UBE3B: variants seen among roughly 807,000 people sequenced by gnomAD.
UBE3B encodes ubiquitin protein ligase E3B.
A neutral mutation model predicts 132.3 loss-of-function variants in UBE3B; 80 were observed. The observed-to-expected ratio is 0.60, with a 90% confidence interval of 0.50 to 0.73. The LOEUF is 0.73. Among genes scored for constraint, UBE3B ranks in the 30% least tolerant of loss-of-function variants. The pLI is 0.00. For missense variants in UBE3B, 1,196 were observed against 1,362.5 expected, an observed-to-expected ratio of 0.88 and a Z score of 1.92; for synonymous variants, 487 against 520.4, an observed-to-expected ratio of 0.94 and a Z score of 0.87.
At chr12:109,481,232 G>A (rs958108692) in intron 1 of UBE3B, among the ~76,000 whole-genome samples, 1 of 151,320 alleles carries the variant, frequency 6.6e-6, no homozygotes, top group Non-Finnish European at 1.5e-5. Context: ...CAGGAGAATC[G>A]CTTGAACCTG....
At chr12:109,501,918 C>T (rs559522182) in intron 13 of UBE3B, among the ~76,000 whole-genome samples, 2 of 152,184 alleles carry the variant, frequency 1.3e-5, no homozygotes, top group South Asian at 2.1e-4. Context: ...CCTACCTCAG[C>T]CTCCCAAAGT....
At position 109,524,518 on chromosome 12, in the gene UBE3B, T is replaced by C. The variant is rs1442572041; in HGVS notation, c.2568+15T>C. 1 of 1,613,452 alleles carries C rather than the reference T, an allele frequency of 6.2e-7. No individual in the cohort carries two copies. The highest frequency in any genetic ancestry group is 8.5e-7 in the Non-Finnish European group (1 of 1,179,584). ...TCATGGGTCAGGTAGGTCCGCCCTTTGGCTGAGCTCCCTTTCCACTGCCCC... is the reference window on the plus strand; with the variant it reads ...TCATGGGTCAGGTAGGTCCGCCCTTCGGCTGAGCTCCCTTTCCACTGCCCC... On this transcript the variant is annotated intron_variant, in intron 23 of 27. Coordinates refer to ENST00000342494, the MANE Select transcript of UBE3B (RefSeq NM_130466.4).
At chr12:109,481,356 C>G (rs1875396311) in intron 1 of UBE3B, among the ~76,000 whole-genome samples, 1 of 151,832 alleles carries the variant, frequency 6.6e-6, no homozygotes, top group Non-Finnish European at 1.5e-5. Context: ...TTTTCAGTAG[C>G]TCTTTAACAT....
At chr12:109,509,767 C>A in intron 16 of UBE3B, 53 bp downstream of exon 16, 1 of 1,194,614 alleles carries the variant, frequency 8.4e-7, no homozygotes. Context: ...CCAGGGAGGC[C>A]GAAGAGTCTA....
At chr12:109,520,743 A>ATT (rs35964882) in intron 19 of UBE3B, 3 of 148,596 alleles carry the variant, frequency 2.0e-5, no homozygotes, top group Non-Finnish European at 2.9e-5. Context: ...TGTAGGTTTG[A>ATT]TTTTTTTTTT....
At chr12:109,514,087 A>G (rs1020752237) in intron 18 of UBE3B, among the ~76,000 whole-genome samples, 4 of 152,170 alleles carry the variant, frequency 2.6e-5, no homozygotes, top group Non-Finnish European at 4.4e-5. Flanking sequence ...TTAAAGCCTC[A>G]GCTCTGCCTG....
rs200514073 is a variant in UBE3B, at chr12:109,499,680, G to A, written c.988G>A (p.Glu330Lys). The A allele has an allele frequency of 9.3e-6, 15 of 1,612,880 alleles. No individual in the cohort carries two copies. The Admixed American group carries it at 2.3e-4, about 25-fold the overall frequency. The change falls in exon 12 of 28, where the codon GAG becomes AAG. Residue 330 changes from glutamate to lysine, a missense_variant. Coordinates refer to ENST00000342494, the MANE Select transcript of UBE3B (RefSeq NM_130466.4). ...CCTCAGCCCCAGAGTGTTAGAGGAG[G>A]AGACAGATGGGTTCGTGAGTTTGCT... is the stretch of plus-strand genomic sequence containing the variant. The part of the protein sequence containing the change: ...GSLSPRVLEE[E>K]TDGFVSLLTQ...
In UBE3B at chr12:109,510,578, G is replaced by C. The variant is rs529330722; in HGVS notation, c.1856+120G>C. On this transcript the variant is annotated intron_variant, in intron 17 of 27. Coordinates refer to ENST00000342494, the MANE Select transcript of UBE3B (RefSeq NM_130466.4). ...TTTTTCCCTCTGCTTCATTTTGTCT[G>C]TTCATTTGTGTAAAGAGAGCTGCTG... is the stretch of plus-strand genomic sequence containing the variant. 1.7e-4 allele frequency: 135 copies of C among 775,944 alleles called. No individual in the cohort carries two copies. In the South Asian group the frequency reaches 1.8e-3, roughly 10 times the overall value. The allele number at this position is 775,944 out of a possible 1,614,324, so 48.1% of individuals were successfully genotyped here.
chr12:109,484,247 T>C (rs187523553), intron 4 of UBE3B, among the ~76,000 whole-genome samples: 79 of 152,246 alleles, frequency 5.2e-4, no homozygotes, highest in Middle Eastern at 3.4e-3. Context: ...AAAAAACATA[T>C]ATGAGATAAA....
At chr12:109,527,082 C>T (rs1457187858) in intron 24 of UBE3B, among the ~76,000 whole-genome samples, 2 of 151,998 alleles carry the variant, frequency 1.3e-5, no homozygotes. Flanking sequence ...AGGGGCAGAT[C>T]ATTTTGGATG....
Position 109,521,253 on chromosome 12 carries a change from G to A in UBE3B, c.2182G>A (p.Asp728Asn). The A allele has an allele frequency of 6.2e-7, 1 of 1,614,218 alleles. No homozygotes were observed. The highest frequency in any genetic ancestry group is 8.5e-7 in the Non-Finnish European group (1 of 1,180,044). The change falls in exon 20 of 28, where the codon GAC becomes AAC. Residue 728 changes from aspartate to asparagine, a missense_variant. Transcript: ENST00000342494. This position sits in a 1 kb window ranked among gnomAD's most constrained non-coding sequence, Gnocchi z 4.2. Reference sequence around the variant, plus strand: ...GGTGGACGAAGCAGGGATTGATCAAGACGGTGTTTTTAAGGAGTTCTTGGA... The same window carrying A: ...GGTGGACGAAGCAGGGATTGATCAAAACGGTGTTTTTAAGGAGTTCTTGGA... ...LGVDEAGIDQ[D>N]GVFKEFLEEI... is the part of the protein sequence containing the mutation.
chr12:109,490,101 C>A, intron 8 of UBE3B, 97 bp downstream of exon 8: 3 of 1,223,994 alleles, frequency 2.5e-6, no homozygotes, highest in South Asian at 1.2e-5. Context: ...GTGTCCTCCT[C>A]AGAAACACTT....
At chr12:109,540,011 G>A (rs1232591796), downstream of UBE3B, among the ~76,000 whole-genome samples, 1 of 151,970 alleles carries the variant, frequency 6.6e-6, no homozygotes, top group Non-Finnish European at 1.5e-5. Context: ...GAGAGAGCCA[G>A]CCTGCTGGAG....
At chr12:109,485,529 CA>C (rs1471074817) in intron 4 of UBE3B, among the ~76,000 whole-genome samples, 1 of 152,154 alleles carries the variant, frequency 6.6e-6, no homozygotes, top group African/African-American at 2.4e-5. Flanking sequence ...TTGGTATAGC[CA>C]AAATGGAACC....
intron 18 of UBE3B, among the ~76,000 whole-genome samples, chr12:109,514,977 G>C (rs978134396): frequency 6.6e-6 from 1 of 150,516 alleles, no homozygotes; most frequent in Non-Finnish European, 1.5e-5. Context: ...GCAGTGGCGC[G>C]ATCTCAGCTC....
intron 9 of UBE3B, among the ~76,000 whole-genome samples, chr12:109,495,703 G>A (rs118054605): frequency 9.6e-4 from 146 of 152,314 alleles, no homozygotes; most frequent in Non-Finnish European, 1.6e-3. Context: ...TCCTTATGGG[G>A]AAACAAAGGG....
chr12:109,498,107 A>C, intron 10 of UBE3B, 126 bp from the exon 11 acceptor site: 2 of 1,446,416 alleles, frequency 1.4e-6, no homozygotes, highest in Non-Finnish European at 1.9e-6. Context: ...TTGTCTGTCC[A>C]TTTTCTTCTT....
At position 109,522,460 on chromosome 12, in the gene UBE3B, G is replaced by A. The variant is rs1224425798; in HGVS notation, c.2364+909G>A. 2.0e-5 allele frequency among the ~76,000 whole-genome samples: 3 copies of A among 152,194 alleles called. No individual in the cohort carries two copies. The highest frequency in any genetic ancestry group is 7.2e-5 in the African/African-American group (3 of 41,454). On this transcript the variant is annotated intron_variant, in intron 21 of 27. Transcript: ENST00000342494. This position sits in a 1 kb window ranked among gnomAD's most constrained non-coding sequence, Gnocchi z 4.2. ...AGCCCAGCCAGTCTGTGTGGCCTTC[G>A]CAGTGGGCTCCAGAGCTGCAGGGAC... is the stretch of plus-strand genomic sequence containing the variant.
downstream of UBE3B, among the ~76,000 whole-genome samples, chr12:109,537,452 G>A (rs1419052016): frequency 6.6e-6 from 1 of 152,168 alleles, no homozygotes; most frequent in Non-Finnish European, 1.5e-5. Flanking sequence ...AAGCCCCTGA[G>A]GATCAGAGCA....
Sources: gnomAD v4.1 joint callset for allele counts (sites outside exome capture counted in the v4.1 genomes callset) on GRCh38, gnomAD v4.1.1 for gene constraint, Gnocchi (gnomAD v3.1) non-coding constraint, MANE v1.5 for transcripts, NCBI Gene and HGNC (gene_info 2026-07-23, HGNC 2026-07-21) for gene names.